The following SAMMSON variants were observed in gnomAD, a reference collection of about 807,000 sequenced individuals.
SAMMSON encodes the protein long intergenic non-protein coding RNA 1212.
At chr3:70,238,299 T>A (rs1460782024) in intron 4 of SAMMSON, among the ~76,000 whole-genome samples, 1 of 152,036 alleles carries the variant, frequency 6.6e-6, no homozygotes, top group Non-Finnish European at 1.5e-5. Context: ...GAGCCATTTT[T>A]CTGCCATGTG....
At chr3:70,426,383 G>C (rs916802438) in intron 2 of SAMMSON, among the ~76,000 whole-genome samples, 2 of 152,158 alleles carry the variant, frequency 1.3e-5, no homozygotes, top group Non-Finnish European at 2.9e-5. Context: ...ATTGGAAGAG[G>C]AACTATAAAC....
intron 4 of SAMMSON, among the ~76,000 whole-genome samples, chr3:70,133,501 A>T (rs573538770): frequency 1.3e-5 from 2 of 152,308 alleles, no homozygotes; most frequent in Admixed American, 1.3e-4. Context: ...GAATTCAATG[A>T]GCTATTCTGA....
intron 6 of SAMMSON, among the ~76,000 whole-genome samples, chr3:70,260,748 T>C (rs991599666): frequency 6.6e-6 from 1 of 151,986 alleles, no homozygotes; most frequent in Non-Finnish European, 1.5e-5. Flanking sequence ...GATTTAGGGA[T>C]GGTAATGAAC....
Position 70,425,486 on chromosome 3 carries a change from A to T in SAMMSON, n.234-37074A>T, listed in dbSNP as rs1701356193. Among the ~76,000 whole-genome samples the T allele has an allele frequency of 1.3e-5, 2 of 151,982 alleles. 1 individual carries two copies. Among genetic ancestry groups the T allele is most frequent in the African/African-American group, 4.8e-5 (2 of 41,472 alleles). On this transcript the variant is annotated intron_variant and non_coding_transcript_variant, in intron 2 of 3. Coordinates refer to the SAMMSON transcript ENST00000641053. ...GAGTGCAGTGGCGTGATCTTGGCTCACTGCAAGATCCGCCTCCCAGGTTCA... is the reference window on the plus strand; with the variant it reads ...GAGTGCAGTGGCGTGATCTTGGCTCTCTGCAAGATCCGCCTCCCAGGTTCA...
At chr3:70,194,812 A>T (rs1353127202) in intron 4 of SAMMSON, among the ~76,000 whole-genome samples, 1 of 152,200 alleles carries the variant, frequency 6.6e-6, no homozygotes, top group Non-Finnish European at 1.5e-5. Flanking sequence ...CACCAATGAT[A>T]CCAGGTACCA....
At chr3:70,187,389 C>T (rs1412897287) in intron 4 of SAMMSON, among the ~76,000 whole-genome samples, 2 of 143,310 alleles carry the variant, frequency 1.4e-5, no homozygotes, top group African/African-American at 2.6e-5. Flanking sequence ...TTTTGGTGGC[C>T]TTATGAGACA....
intron 4 of SAMMSON, among the ~76,000 whole-genome samples, chr3:70,222,406 C>T (rs1396026226): frequency 2.0e-5 from 3 of 152,140 alleles, no homozygotes; most frequent in Non-Finnish European, 2.9e-5. Flanking sequence ...GAAAACTATA[C>T]ATTTTAAATC....
intron 4 of SAMMSON, chr3:70,206,851 C>T: frequency 2.5e-6 from 1 of 396,306 alleles, no homozygotes; most frequent in Non-Finnish European, 4.5e-6. Flanking sequence ...ACCTAGTGAC[C>T]TAAGAATGCA....
chr3:70,131,274 T>A (rs1168233663), intron 4 of SAMMSON, among the ~76,000 whole-genome samples: 1 of 152,220 alleles, frequency 6.6e-6, no homozygotes, highest in Non-Finnish European at 1.5e-5. Flanking sequence ...AAAAGCAGGA[T>A]GCTTTTGAAA....
intron 1 of SAMMSON, among the ~76,000 whole-genome samples, chr3:70,005,613 G>C (rs1476144769): frequency 6.6e-6 from 1 of 152,126 alleles, no homozygotes; most frequent in Non-Finnish European, 1.5e-5. Context: ...CAGGTCACAG[G>C]CAGGACCAGA....
chr3:70,339,276 T>C (rs1387646378), intron 7 of SAMMSON, among the ~76,000 whole-genome samples: 1 of 152,180 alleles, frequency 6.6e-6, no homozygotes, highest in Non-Finnish European at 1.5e-5. Flanking sequence ...GACTTAAATG[T>C]TAGACCTAAA....
Position 70,279,000 on chromosome 3 carries a change from G to A in SAMMSON, n.675-12179G>A, listed in dbSNP as rs1452985370. The stretch of plus-strand genomic sequence containing the variant: ...CAGTGAAGTGGCTCTGAGAAAATCC[G>A]TCTATATGTAGATGCCTATCAGTAT... On this transcript the variant is annotated intron_variant and non_coding_transcript_variant, in intron 6 of 9. Coordinates refer to ENST00000642114, the Ensembl canonical transcript of SAMMSON. Among the ~76,000 whole-genome samples, 9 of 151,128 alleles carry A rather than the reference G, an allele frequency of 6.0e-5. No individual in the cohort carries two copies. The South Asian group carries it at 6.4e-4, about 11-fold the overall frequency.
chr3:70,387,725 G>T (rs1349164339), intron 9 of SAMMSON, among the ~76,000 whole-genome samples: 1 of 152,006 alleles, frequency 6.6e-6, no homozygotes, highest in African/African-American at 2.4e-5. Flanking sequence ...TTTTATCAAG[G>T]ATTAAGTTTT....
intron 4 of SAMMSON, chr3:70,126,006 C>T (rs1290872090): frequency 3.6e-5 from 30 of 827,804 alleles, no homozygotes; most frequent in South Asian, 7.1e-5. Flanking sequence ...TGGGAGGCTG[C>T]GCAGTAATTG....
intron 4 of SAMMSON, among the ~76,000 whole-genome samples, chr3:70,170,816 G>T (rs116327334): frequency 0.024 from 3,640 of 151,922 alleles, 58 homozygotes; most frequent in South Asian, 0.053. Flanking sequence ...CGAGTGCAGA[G>T]ATGTTTTGGT....
At chr3:70,409,692 T>G (rs1701203397) in intron 2 of SAMMSON, among the ~76,000 whole-genome samples, 1 of 152,194 alleles carries the variant, frequency 6.6e-6, no homozygotes, top group African/African-American at 2.4e-5. Context: ...ATTGATATAG[T>G]AATAAGGCCA....
intron 4 of SAMMSON, among the ~76,000 whole-genome samples, chr3:70,235,754 GACTT>G (rs1391635152): frequency 2.0e-5 from 3 of 152,150 alleles, no homozygotes; most frequent in Non-Finnish European, 4.4e-5. Flanking sequence ...ATTGCTGTAT[GACTT>G]AGGACAAATT....
chr3:70,387,164 A>T (rs1703129193), intron 9 of SAMMSON, among the ~76,000 whole-genome samples: 1 of 152,100 alleles, frequency 6.6e-6, no homozygotes, highest in Non-Finnish European at 1.5e-5. Context: ...ACTTTTTAGC[A>T]TAAGTTTTAA....
intron 4 of SAMMSON, among the ~76,000 whole-genome samples, chr3:70,119,332 G>A (rs2067423892): frequency 6.6e-6 from 1 of 152,196 alleles, no homozygotes; most frequent in Admixed American, 6.5e-5. Flanking sequence ...CTCCCAAAGT[G>A]CTGGGATTAC....
Sources: gnomAD v4.1 joint callset for allele counts (sites outside exome capture counted in the v4.1 genomes callset) on GRCh38, gnomAD v4.1.1 for gene constraint, MANE v1.5 for transcripts, NCBI Gene and HGNC (gene_info 2026-07-23, HGNC 2026-07-21) for gene names.